The following TRPV3 variants were observed in gnomAD, a reference collection of about 807,000 sequenced individuals.
TRPV3 encodes the protein transient receptor potential cation channel subfamily V member 3, also known as VRL-3.
TRPV3 carries 88 observed loss-of-function variants against 87.1 expected under a neutral mutation model. The observed-to-expected ratio is 1.01, with a 90% CI of 0.85 to 1.21. TRPV3 has a LOEUF of 1.21. Ranked by LOEUF, TRPV3 falls within the 50% of genes most tolerant of loss-of-function variation. The probability of loss-of-function intolerance (pLI) is 0.00; values close to 1 mark genes in which losing one functional copy is unlikely to be tolerated. For synonymous variants in TRPV3, 438 were observed against 423.3 expected (o/e 1.03, Z -0.43); for missense variants, 1,054 against 1,030.1 (o/e 1.02, Z -0.32).
At chr17:3,549,681 T>A (rs1424728619) in intron 2 of TRPV3, among the ~76,000 whole-genome samples, 2 of 148,368 alleles carry the variant, frequency 1.3e-5, no homozygotes, top group South Asian at 2.2e-4. Context: ...GATGATGGAA[T>A]GGGTAGATGA....
Position 3,528,225 on chromosome 17 carries a change from G to C in TRPV3, c.1402-99C>G, listed in dbSNP as rs377551706. Reference sequence around the variant, plus strand: ...AAAACCCAGGTGAAACACTCAAGCCGGGCCAGAGACCAGCATGAAACCTGA... The same window carrying C: ...AAAACCCAGGTGAAACACTCAAGCCCGGCCAGAGACCAGCATGAAACCTGA... On this transcript the variant is annotated intron_variant, in intron 10 of 17. Transcript: ENST00000576742. The surrounding 1 kb of genome is among the most constrained non-coding windows in gnomAD (Gnocchi z 4.2). The C allele has an allele frequency of 1.2e-6, 1 of 845,752 alleles. No individual in the cohort carries two copies. Among genetic ancestry groups the C allele is most frequent in the Non-Finnish European group, 1.8e-6 (1 of 548,284 alleles). The allele number at this position is 845,752 out of a possible 1,614,324, so 52.4% of individuals were successfully genotyped here. A position where few individuals can be genotyped will look rare whatever the true frequency, so the allele number is the denominator to read the frequency against.
chr17:3,548,760 C>A (rs985979629), intron 2 of TRPV3, among the ~76,000 whole-genome samples: 2 of 152,214 alleles, frequency 1.3e-5, no homozygotes, highest in Non-Finnish European at 2.9e-5. Flanking sequence ...AGGATTTAAA[C>A]CCTTGCCTGG....
At chr17:3,546,258 A>G (rs528411489) in intron 2 of TRPV3, among the ~76,000 whole-genome samples, 1 of 152,090 alleles carries the variant, frequency 6.6e-6, no homozygotes, top group East Asian at 2.0e-4. Context: ...CCTGACCAAT[A>G]TGGAGAAACC....
chr17:3,546,450 A>G (rs1221987056), intron 2 of TRPV3, among the ~76,000 whole-genome samples: 1 of 151,948 alleles, frequency 6.6e-6, no homozygotes, highest in African/African-American at 2.4e-5. Context: ...TCAAAAAACA[A>G]ACAAACCAAC....
Position 3,518,790 on chromosome 17 carries a change from C to G in TRPV3, c.1871G>C (p.Ser624Thr). Reference sequence around the variant, plus strand: ...GAGTTCCAGCACTGCGTCGCTGAAGCTGCCGTAGGAGCTGCAGTCCTTGTT... The same window carrying G: ...GAGTTCCAGCACTGCGTCGCTGAAGGTGCCGTAGGAGCTGCAGTCCTTGTT... The part of the protein sequence containing the change: ...KDNKDCSSYG[S>T]FSDAVLELFK... The change falls in exon 15 of 18, where the codon AGC (serine) becomes ACC (threonine). Residue 624 changes from serine to threonine, a missense_variant. Physicochemically the swap from Ser to Thr is moderately conservative, Grantham distance 58 (BLOSUM62 1). Transcript: ENST00000576742. This position sits in a 1 kb window ranked among gnomAD's most constrained non-coding sequence, Gnocchi z 4.3. 1.2e-6 allele frequency: 2 copies of G among 1,614,182 alleles called. No individual in the cohort carries two copies. The highest frequency in any genetic ancestry group is 1.7e-6 in the Non-Finnish European group (2 of 1,180,022).
rs551473188 is a variant in TRPV3 at position 3,525,186 on chromosome 17, A to C, written c.1578-823T>G. Among the ~76,000 whole-genome samples the C allele has an allele frequency of 1.0e-3, 154 of 152,078 alleles. 4 individuals carry two copies. The South Asian group carries it at 0.031, about 30-fold the overall frequency. ...AGGCACCCGCCACCACACCAGGCTC[A>C]TTTTTGTATTTTTAGTAGAGATGGG... On this transcript the variant is annotated intron_variant, in intron 12 of 17. Coordinates refer to ENST00000576742, the MANE Select transcript of TRPV3 (RefSeq NM_145068.4).
intron 8 of TRPV3, among the ~76,000 whole-genome samples, chr17:3,531,033 G>A (rs1020580199): frequency 2.0e-5 from 3 of 151,096 alleles, no homozygotes; most frequent in Non-Finnish European, 4.4e-5. Flanking sequence ...TCCAGCCTGG[G>A]CAATGAAGTG....
At chr17:3,519,602 CTGGA>C (rs60629683) in intron 14 of TRPV3, among the ~76,000 whole-genome samples, 37,420 of 93,340 alleles carry the variant, frequency 0.4, 8,534 homozygotes, top group Non-Finnish European at 0.48. Flanking sequence ...GGATGGATGA[CTGGA>C]TGGATGGATG....
chr17:3,551,934 G>A (rs1430698857), intron 2 of TRPV3, among the ~76,000 whole-genome samples: 1 of 120,442 alleles, frequency 8.3e-6, no homozygotes, highest in Non-Finnish European at 1.6e-5. Flanking sequence ...CCAGGCTAGA[G>A]TGCAGTGGCA....
chr17:3,551,515 C>T (rs1283294196), intron 2 of TRPV3, among the ~76,000 whole-genome samples: 1 of 152,258 alleles, frequency 6.6e-6, no homozygotes, highest in Non-Finnish European at 1.5e-5. Flanking sequence ...ACCATTTCTA[C>T]TGCATTTCTG....
intron 6 of TRPV3, among the ~76,000 whole-genome samples, chr17:3,536,603 C>A (rs1465015276): frequency 1.3e-5 from 2 of 151,862 alleles, no homozygotes; most frequent in African/African-American, 4.8e-5. Context: ...AACAAACAAA[C>A]AAACAAAAAA....
At chr17:3,526,684 C>T (rs1031128488) in intron 12 of TRPV3, among the ~76,000 whole-genome samples, 170 bp downstream of exon 12, 1 of 152,080 alleles carries the variant, frequency 6.6e-6, no homozygotes, top group African/African-American at 2.4e-5. Flanking sequence ...TGGGCATTTA[C>T]GTGTCTCCTA....
At chr17:3,548,197 C>G (rs576892009) in intron 2 of TRPV3, among the ~76,000 whole-genome samples, 226 of 152,304 alleles carry the variant, frequency 1.5e-3, no homozygotes, top group Middle Eastern at 6.8e-3. Flanking sequence ...CTTCCTTCCT[C>G]ACAAGACTAC....
At chr17:3,544,475 G>A in intron 4 of TRPV3, 104 bp downstream of exon 4, 1 of 697,922 alleles carries the variant, frequency 1.4e-6, no homozygotes, top group Non-Finnish European at 2.4e-6. Flanking sequence ...CCAATCCCCA[G>A]GAATGGTGGA....
chr17:3,547,697 A>G (rs2074539500), intron 2 of TRPV3, among the ~76,000 whole-genome samples: 1 of 152,100 alleles, frequency 6.6e-6, no homozygotes, highest in African/African-American at 2.4e-5. Context: ...GTGGAGAAGG[A>G]AGCCATCTCA....
chr17:3,535,598 C>A lies in TRPV3; in HGVS notation c.759G>T (p.Lys253Asn). ...CGAAGTAGAAGCCTTCGTGTTGGTA[C>A]TTGGGGTTGAAGAAGGCCCCCTTGG... ...AHAKGAFFNP[K>N]YQHEGFYFGE... The change falls in exon 7 of 18, where the codon AAG becomes AAT. Residue 253 changes from lysine (K) to asparagine (N), a missense_variant. Lys to Asn is a moderately conservative substitution (Grantham distance 94, BLOSUM62 0). Coordinates refer to ENST00000576742, the MANE Select transcript of TRPV3 (RefSeq NM_145068.4). 1 of 1,608,720 alleles carries A rather than the reference C, an allele frequency of 6.2e-7. No homozygotes were observed. The highest frequency in any genetic ancestry group is 1.1e-5 in the South Asian group (1 of 90,490).
intron 2 of TRPV3, among the ~76,000 whole-genome samples, chr17:3,551,892 TTTTTTTTG>T (rs2074578844): frequency 1.5e-5 from 2 of 133,458 alleles, no homozygotes; most frequent in African/African-American, 2.8e-5. Flanking sequence ...TTTTTTTTTT[TTTTTTTTG>T]GAGATGGAAT....
At position 3,535,713 on chromosome 17, in the gene TRPV3, C is replaced by T; in HGVS notation, c.644G>A (p.Gly215Glu). Residue 215 changes from glycine to glutamate, a missense_variant and splice_region_variant, in exon 7 of 18, where the codon GGG becomes GAG. By Grantham distance (98) the Gly-to-Glu change is moderately conservative. Transcript: ENST00000576742. ...NAEYTEEAYE[G>E]QTALNIAIER... ...GATGGCGATGTTCAGCGCCGTCTGC[C>T]CTGCGGAGCGGGCGGGGACGCGCGG... The T allele has an allele frequency of 6.6e-7, 1 of 1,518,208 alleles. No homozygotes were observed. Among genetic ancestry groups the T allele is most frequent in the Non-Finnish European group, 8.8e-7 (1 of 1,135,828 alleles). The allele number at this position is 1,518,208 out of a possible 1,614,324, so 94.0% of individuals were successfully genotyped here. A position where few individuals can be genotyped will look rare whatever the true frequency, so the allele number is the denominator to read the frequency against.
intron 2 of TRPV3, among the ~76,000 whole-genome samples, chr17:3,547,513 T>C (rs1349124629): frequency 6.6e-6 from 1 of 151,902 alleles, no homozygotes; most frequent in Non-Finnish European, 1.5e-5. Flanking sequence ...CCCATCTACG[T>C]GGGAGGCTGA....
Sources: allele counts gnomAD v4.1 joint callset (sites outside exome capture counted in the v4.1 genomes callset), GRCh38; gene constraint gnomAD v4.1.1; non-coding constraint Gnocchi (gnomAD v3.1); transcripts MANE v1.5; gene names NCBI Gene and HGNC (gene_info 2026-07-23, HGNC 2026-07-21).